Variants in CERS6 observed in about 807,000 individuals in gnomAD.
CERS6 encodes the protein ceramide synthase 6, also known as LAG1 homolog, ceramide synthase 6.
In CERS6, 26 loss-of-function variants were observed where a neutral mutation model predicts 56.8. The observed-to-expected ratio is 0.46, with a 90% confidence interval of 0.34 to 0.63. CERS6 has a LOEUF of 0.63. Ranked by LOEUF, CERS6 falls within the 30% of genes least tolerant of loss-of-function variation. The pLI is 0.01. For missense variants in CERS6, 415 were observed against 467.5 expected (o/e 0.89, Z 1.04); for synonymous variants, 164 against 173.3 (o/e 0.95, Z 0.42).
At chr2:168,695,357 A>G (rs549268032) in intron 6 of CERS6, among the ~76,000 whole-genome samples, 5 of 152,312 alleles carry the variant, frequency 3.3e-5, no homozygotes, top group African/African-American at 1.2e-4. Context: ...TCCAAATTAA[A>G]TAAAAAGCAA....
intron 8 of CERS6, among the ~76,000 whole-genome samples, chr2:168,741,273 A>G (rs1325702414): frequency 6.6e-6 from 1 of 151,798 alleles, no homozygotes; most frequent in Non-Finnish European, 1.5e-5. Context: ...TGTTATTTTG[A>G]ATAGGGTTTA....
chr2:168,539,336 A>G (rs1695324810), intron 1 of CERS6, among the ~76,000 whole-genome samples: 2 of 152,204 alleles, frequency 1.3e-5, no homozygotes, highest in Admixed American at 1.3e-4. Context: ...CTATTTAACT[A>G]CCTTTAAGAC....
At chr2:168,653,801 T>C (rs1685402544) in intron 4 of CERS6, among the ~76,000 whole-genome samples, 1 of 152,226 alleles carries the variant, frequency 6.6e-6, no homozygotes, top group African/African-American at 2.4e-5. Flanking sequence ...CAAATCCCTG[T>C]CTTAGCAATA....
chr2:168,691,816 A>G (rs1686510797), intron 5 of CERS6, among the ~76,000 whole-genome samples: 1 of 152,224 alleles, frequency 6.6e-6, no homozygotes, highest in Non-Finnish European at 1.5e-5. Flanking sequence ...GGGATATATT[A>G]TGTAAGAGAA....
At chr2:168,640,923 T>G (rs1315817613) in intron 4 of CERS6, among the ~76,000 whole-genome samples, 1 of 152,186 alleles carries the variant, frequency 6.6e-6, no homozygotes, top group Non-Finnish European at 1.5e-5. Context: ...ACCCATGTCT[T>G]GTCTGTATTC....
chr2:168,502,087 CA>C (rs1025429236), intron 1 of CERS6, among the ~76,000 whole-genome samples: 3 of 151,848 alleles, frequency 2.0e-5, no homozygotes, highest in Non-Finnish European at 4.4e-5. Flanking sequence ...TGTACTGGGC[CA>C]ACACATTGCG....
chr2:168,544,887 G>A (rs751597090), intron 1 of CERS6, among the ~76,000 whole-genome samples: 4 of 151,854 alleles, frequency 2.6e-5, no homozygotes, highest in Non-Finnish European at 1.5e-5. Flanking sequence ...CTGACATCTG[G>A]TCTCTTTTTT....
At chr2:168,622,515 C>CA (rs1350117048) in intron 3 of CERS6, among the ~76,000 whole-genome samples, 1 of 152,146 alleles carries the variant, frequency 6.6e-6, no homozygotes, top group African/African-American at 2.4e-5. Context: ...AGACATATAG[C>CA]ATTCCTTTGC....
intron 3 of CERS6, among the ~76,000 whole-genome samples, chr2:168,570,953 T>C (rs1695974322): frequency 6.6e-6 from 1 of 152,152 alleles, no homozygotes; most frequent in South Asian, 2.1e-4. Flanking sequence ...GACAATTGAT[T>C]CTGCGCATTG....
At chr2:168,657,034 C>T (rs961562847) in intron 4 of CERS6, among the ~76,000 whole-genome samples, 3 of 150,764 alleles carry the variant, frequency 2.0e-5, no homozygotes, top group African/African-American at 7.3e-5. Flanking sequence ...GGTGTGTTTA[C>T]AAACCTTGAG....
chr2:168,710,408 A>G (rs906192757), intron 6 of CERS6, among the ~76,000 whole-genome samples: 1 of 152,230 alleles, frequency 6.6e-6, no homozygotes, highest in African/African-American at 2.4e-5. Context: ...TTAGGTATTC[A>G]GCTGGTTAAA....
intron 3 of CERS6, among the ~76,000 whole-genome samples, chr2:168,622,942 A>C (rs112219195): frequency 0.021 from 3,234 of 152,320 alleles, 54 homozygotes; most frequent in Middle Eastern, 0.061. Context: ...TTTATGTCAG[A>C]GTTTCCAAAA....
chr2:168,551,787 A>G (rs1695576958), intron 2 of CERS6, among the ~76,000 whole-genome samples: 1 of 152,214 alleles, frequency 6.6e-6, no homozygotes, highest in African/African-American at 2.4e-5. Flanking sequence ...TGTCAGACCC[A>G]TTCAAATGAA....
chr2:168,548,383 T>C (rs1695505158), intron 2 of CERS6, among the ~76,000 whole-genome samples: 1 of 152,034 alleles, frequency 6.6e-6, no homozygotes, highest in Admixed American at 6.6e-5. Flanking sequence ...AGTTCAGATC[T>C]CCTTCAGAAC....
chr2:168,683,316 T>C (rs968584282), intron 4 of CERS6, among the ~76,000 whole-genome samples: 1 of 152,192 alleles, frequency 6.6e-6, no homozygotes, highest in African/African-American at 2.4e-5. Flanking sequence ...AGATAAAAAA[T>C]TCTGTCTAGC....
At chr2:168,657,717 A>T (rs147315814) in intron 4 of CERS6, among the ~76,000 whole-genome samples, 3,986 of 152,290 alleles carry the variant, frequency 0.026, 129 homozygotes, top group East Asian at 0.14. Context: ...CCAGCAGGGC[A>T]GGCTGGCTGC....
chr2:168,557,776 A>G (rs1289079259), intron 2 of CERS6, among the ~76,000 whole-genome samples: 1 of 152,228 alleles, frequency 6.6e-6, no homozygotes, highest in East Asian at 1.9e-4. Flanking sequence ...GAAAAGATTG[A>G]TAAATTCAAA....
At chr2:168,607,542 C>T (rs1159135085) in intron 3 of CERS6, among the ~76,000 whole-genome samples, 10 of 152,128 alleles carry the variant, frequency 6.6e-5, no homozygotes, top group East Asian at 3.9e-4. Context: ...CCACTATGCC[C>T]GGCTAATTTT....
At chr2:168,587,892 C>T (rs1330792876) in intron 3 of CERS6, among the ~76,000 whole-genome samples, 1 of 151,930 alleles carries the variant, frequency 6.6e-6, no homozygotes, top group East Asian at 1.9e-4. Context: ...TTATTGCGCT[C>T]CTGCTCTGGG....
Sources: gnomAD v4.1 joint callset for allele counts (sites outside exome capture counted in the v4.1 genomes callset) on GRCh38, gnomAD v4.1.1 for gene constraint, MANE v1.5 for transcripts, NCBI Gene and HGNC (gene_info 2026-07-23, HGNC 2026-07-21) for gene names.